Variants in TBKBP1 observed in about 807,000 individuals in gnomAD.
TBKBP1 encodes the protein TBK1 binding protein 1.
In TBKBP1, 47 loss-of-function variants were observed where a neutral mutation model predicts 69.9. That is an observed-to-expected ratio of 0.67 (90% CI 0.53 to 0.86). The LOEUF (loss-of-function observed/expected upper bound fraction) is 0.86. Among genes scored for constraint, TBKBP1 ranks in the 40% least tolerant of loss-of-function variants. TBKBP1 has a pLI of 0.00. For synonymous variants in TBKBP1, 418 were observed against 390.3 expected, an observed-to-expected ratio of 1.07 and a Z score of -0.84; for missense variants, 831 against 858.6, an observed-to-expected ratio of 0.97 and a Z score of 0.40.
rs773013641 is a variant in TBKBP1, at chr17:47,708,459, C to T, written c.938C>T (p.Ser313Phe). The change falls in exon 8 of 10, where the codon TCC (serine) becomes TTC (phenylalanine). Residue 313 changes from serine (S) to phenylalanine (F), a missense_variant. Coordinates refer to ENST00000578982, the MANE Select transcript of TBKBP1 (RefSeq NM_001394755.1). The surrounding 1 kb of genome is among the most constrained non-coding windows in gnomAD (Gnocchi z 4.4). ...CTGGGCCGGCTTCGGGAGTTGAGTT[C>T]CCTACAGGGGAGAATCTTGAGGACT... ...EELGRLRELSSLQGRILRTLL... is the reference protein window; with the variant it reads ...EELGRLRELSFLQGRILRTLL... 1 of 1,613,898 alleles carries T rather than the reference C, an allele frequency of 6.2e-7. No homozygotes were observed. The highest frequency in any genetic ancestry group is 8.5e-7 in the Non-Finnish European group (1 of 1,179,848).
At chr17:47,706,869 ACG>A (rs1491378195) in intron 7 of TBKBP1, among the ~76,000 whole-genome samples, 36 of 148,362 alleles carry the variant, frequency 2.4e-4, no homozygotes, top group African/African-American at 8.7e-4. Context: ...ACACACACAC[ACG>A]CACACACCCC....
intron 5 of TBKBP1, 132 bp downstream of exon 5, chr17:47,698,907 A>C: frequency 1.1e-6 from 1 of 914,492 alleles, no homozygotes; most frequent in East Asian, 3.0e-5. Flanking sequence ...ATCCTCCCTT[A>C]CCTGCTGTCC....
chr17:47,699,910 C>T (rs2031424479), intron 7 of TBKBP1, among the ~76,000 whole-genome samples: 2 of 151,454 alleles, frequency 1.3e-5, no homozygotes, highest in South Asian at 4.2e-4. Context: ...GCAACCTCTG[C>T]CTCTCGGGTT....
At chr17:47,699,562 T>G in intron 6 of TBKBP1, 67 bp downstream of exon 6, 1 of 1,613,512 alleles carries the variant, frequency 6.2e-7, no homozygotes, top group Non-Finnish European at 8.5e-7. Context: ...GTGTGCAGAC[T>G]GGCCCAGGGA....
At chr17:47,699,753 C>T in intron 7 of TBKBP1, 56 bp downstream of exon 7, 2 of 1,599,872 alleles carry the variant, frequency 1.3e-6, no homozygotes, top group Non-Finnish European at 1.7e-6. Flanking sequence ...CCTCCCCTCC[C>T]AGCCCTCAGG....
At chr17:47,694,638 G>C (rs2031133473) in intron 1 of TBKBP1, 1 of 152,272 alleles carries the variant, frequency 6.6e-6, no homozygotes, top group African/African-American at 2.4e-5. Context: ...GCCCAGAGAG[G>C]AATGCGGAGG....
chr17:47,702,566 G>T (rs1196717998), intron 7 of TBKBP1, among the ~76,000 whole-genome samples: 1 of 151,856 alleles, frequency 6.6e-6, no homozygotes, highest in Non-Finnish European at 1.5e-5. Context: ...GGGTTTCCCA[G>T]TTCCTTCCCT....
rs775256886 is a variant in TBKBP1, at chr17:47,709,136, G to A, written c.1403G>A (p.Gly468Asp). 6.3e-4 allele frequency: 881 copies of A among 1,389,560 alleles called. 3 individuals are homozygous for A. The highest frequency in any genetic ancestry group is 6.0e-4 in the Non-Finnish European group (646 of 1,081,144). 86.1% of individuals were successfully genotyped at this position (1,389,560 alleles called of 1,614,324 possible). A position where few individuals can be genotyped will look rare whatever the true frequency, so the allele number is the denominator to read the frequency against. ...GRRSYSELAE[G>D]AAYAGASPPW... is the part of the protein sequence containing the mutation. ...CGCAGCTACTCTGAGCTGGCGGAGGGCGCGGCCTACGCGGGCGCCTCCCCG... is the reference window on the plus strand; with the variant it reads ...CGCAGCTACTCTGAGCTGGCGGAGGACGCGGCCTACGCGGGCGCCTCCCCG... The change falls in exon 9 of 10, where the codon GGC becomes GAC. Residue 468 changes from glycine (G) to aspartate (D), a missense_variant. Gly to Asp is a moderately conservative substitution (Grantham distance 94). Transcript: ENST00000578982.
In TBKBP1 at chr17:47,704,671, C is replaced by G. The variant is rs904500662; in HGVS notation, c.873-3723C>G. Reference sequence around the variant, plus strand: ...CCTTTTACTGCTCCCGTCCCTGACTCTAACCCTATCCCTGATCCTGACCTT... The same window carrying G: ...CCTTTTACTGCTCCCGTCCCTGACTGTAACCCTATCCCTGATCCTGACCTT... On this transcript the variant is annotated intron_variant, in intron 7 of 9. Coordinates refer to ENST00000578982, the MANE Select transcript of TBKBP1 (RefSeq NM_001394755.1). 2.6e-5 allele frequency among the ~76,000 whole-genome samples: 4 copies of G among 152,338 alleles called. No homozygotes were observed. In the East Asian group the frequency reaches 7.7e-4, roughly 29 times the overall value.
intron 5 of TBKBP1, among the ~76,000 whole-genome samples, 162 bp downstream of exon 5, chr17:47,698,937 AC>A (rs2031369753): frequency 6.6e-6 from 1 of 151,602 alleles, no homozygotes. Flanking sequence ...ACCCACTGTT[AC>A]CCTAATTTCT....
chr17:47,702,078 C>T (rs376431665), intron 7 of TBKBP1, among the ~76,000 whole-genome samples: 8 of 152,230 alleles, frequency 5.3e-5, no homozygotes, highest in African/African-American at 1.9e-4. Context: ...TCCTCACTAC[C>T]CCGATAGTTT....
chr17:47,702,080 C>A lies in TBKBP1; in HGVS notation c.872+2383C>A, dbSNP rs190324404. 2.0e-5 allele frequency among the ~76,000 whole-genome samples: 3 copies of A among 152,328 alleles called. No homozygotes were observed. In the East Asian group the frequency reaches 5.8e-4, roughly 29 times the overall value. On this transcript the variant is annotated intron_variant, in intron 7 of 9. Transcript: ENST00000578982. The stretch of plus-strand genomic sequence containing the variant: ...TTCTCAGAGGAAGTCCTCACTACCC[C>A]GATAGTTTTATTTTCTTATAAACTC...
intron 1 of TBKBP1, 33 bp from the exon 2 acceptor site, chr17:47,696,046 C>G (rs556106510): frequency 1.2e-5 from 16 of 1,281,284 alleles, no homozygotes; most frequent in Non-Finnish European, 1.6e-5. Flanking sequence ...CCTAGACAGA[C>G]GGCCCTGTCC....
Position 47,699,393 on chromosome 17 carries a change from G to A in TBKBP1, c.708G>A (p.Ala236=). The A allele has an allele frequency of 3.8e-6, 6 of 1,566,438 alleles. No homozygotes were observed. Among genetic ancestry groups the A allele is most frequent in the South Asian group, 2.3e-5 (2 of 85,320 alleles). ...GGCTAGAAGAGGCTTTGGAGGCCGC[G>A]CAGGGAGAGGCCCGGGGGGCTCAGC... ...RRRLEEALEA[A]QGEARGAQLR... Residue 236 remains alanine, a synonymous_variant, in exon 6 of 10, where the codon GCG becomes GCA. Coordinates refer to ENST00000578982, the MANE Select transcript of TBKBP1 (RefSeq NM_001394755.1).
chr17:47,703,114 G>T (rs2031572408), intron 7 of TBKBP1, among the ~76,000 whole-genome samples: 1 of 152,094 alleles, frequency 6.6e-6, no homozygotes, highest in African/African-American at 2.4e-5. Flanking sequence ...TGGGGACTCA[G>T]TATGGGCGAT....
At position 47,709,054 on chromosome 17, in the gene TBKBP1, G is replaced by T; in HGVS notation, c.1321G>T (p.Glu441Ter). 1 of 1,322,506 alleles carries T rather than the reference G, an allele frequency of 7.6e-7. No homozygotes were observed. The highest frequency in any genetic ancestry group is 1.7e-5 in the South Asian group (1 of 57,244). 81.9% of individuals were successfully genotyped at this position (1,322,506 alleles called of 1,614,324 possible). The change falls in exon 9 of 10, where the codon GAG (glutamate) becomes TAG (stop). Residue 441 changes from glutamate (E) to a stop codon, truncating the protein, a stop_gained. Transcript: ENST00000578982. LOFTEE classifies it high-confidence loss of function. The stretch of plus-strand genomic sequence containing the variant: ...CCCGCCGGGCGAGAGGACGCTGGCC[G>T]AGCGCGCCTACGCCAAGCCGCCCAG... Reference protein sequence around the residue: ...PPPPGERTLAERAYAKPPSHH... With the variant: ...PPPPGERTLA
In TBKBP1 at chr17:47,709,423, G is replaced by A. The variant is rs1466692799; in HGVS notation, c.1690G>A (p.Glu564Lys). The change falls in exon 9 of 10, where the codon GAG (glutamate) becomes AAG (lysine). Residue 564 changes from glutamate (E) to lysine (K), a missense_variant. Transcript: ENST00000578982. ...CGCCGCCACCGCCTACGCCCACGCCGAGCACGCGCAGTCCTGGCCGTCCAT... is the reference window on the plus strand; with the variant it reads ...CGCCGCCACCGCCTACGCCCACGCCAAGCACGCGCAGTCCTGGCCGTCCAT... ...SPAATAYAHA[E>K]HAQSWPSINL... 45 of 1,542,002 alleles carry A rather than the reference G, an allele frequency of 2.9e-5. No homozygotes were observed. The highest frequency in any genetic ancestry group is 3.8e-5 in the Non-Finnish European group (44 of 1,152,656).
chr17:47,694,418 A>C (rs1448989813), intron 1 of TBKBP1, among the ~76,000 whole-genome samples: 4 of 148,798 alleles, frequency 2.7e-5, no homozygotes, highest in African/African-American at 1.0e-4. Flanking sequence ...CCCGGCCCCG[A>C]GAGGGTGTCC....
At chr17:47,698,493 G>A in intron 4 of TBKBP1, 102 bp from the exon 5 acceptor site, 1 of 1,240,244 alleles carries the variant, frequency 8.1e-7, no homozygotes, top group Non-Finnish European at 1.1e-6. Context: ...GTGGGCTTGG[G>A]ATGTGTGACC....
Sources: allele counts gnomAD v4.1 joint callset (sites outside exome capture counted in the v4.1 genomes callset), GRCh38; gene constraint gnomAD v4.1.1; non-coding constraint Gnocchi (gnomAD v3.1); transcripts MANE v1.5; gene names NCBI Gene and HGNC (gene_info 2026-07-23, HGNC 2026-07-21).